The following GALNT10 variants were observed in gnomAD, a reference collection of about 807,000 sequenced individuals.
GALNT10 encodes the protein GalNAc transferase 10.
Under a neutral mutation model 75.0 loss-of-function variants are expected in GALNT10, and 41 were observed. That is an observed-to-expected ratio of 0.55 (90% CI 0.43 to 0.71). The LOEUF is 0.71. GALNT10 is among the 30% of genes least tolerant of loss of function. The probability of loss-of-function intolerance (pLI) is 0.00; values close to 1 mark genes in which losing one functional copy is unlikely to be tolerated. For missense variants in GALNT10, 727 were observed against 818.5 expected (o/e 0.89, Z 1.36); for synonymous variants, 302 against 313.0 (o/e 0.96, Z 0.37).
intron 1 of GALNT10, among the ~76,000 whole-genome samples, chr5:154,221,111 T>C (rs528247041): frequency 1.4e-4 from 22 of 152,124 alleles, no homozygotes; most frequent in Non-Finnish European, 2.4e-4. Context: ...GGGATTTTCC[T>C]CCTATTCAAC....
At chr5:154,307,706 C>T (rs1013342679) in intron 3 of GALNT10, among the ~76,000 whole-genome samples, 1 of 150,974 alleles carries the variant, frequency 6.6e-6, no homozygotes, top group Non-Finnish European at 1.5e-5. Context: ...ACTGTAAAAC[C>T]AGCATTATCC....
intron 4 of GALNT10, chr5:154,356,278 C>T: frequency 2.2e-6 from 1 of 447,084 alleles, no homozygotes; most frequent in Admixed American, 2.5e-5. Context: ...GTCTTCCCAT[C>T]TGCATGTGAG....
chr5:154,329,593 G>GGA lies in GALNT10; in HGVS notation c.426_427dup (p.Thr143ArgfsTer51). On this transcript the variant is annotated frameshift_variant, in exon 4 of 12. Coordinates refer to ENST00000297107, the MANE Select transcript of GALNT10 (RefSeq NM_198321.4). LOFTEE classifies it high-confidence loss of function. ...CTAGCTGCAACAGCAAGCGCTACCT[G>GGA]GAGACACTTCCCAACACAAGCATCA... 6.2e-7 allele frequency: 1 copy of GGA among 1,613,846 alleles called. No individual in the cohort carries two copies. Among genetic ancestry groups the GGA allele is most frequent in the Non-Finnish European group, 8.5e-7 (1 of 1,179,832 alleles).
intron 6 of GALNT10, among the ~76,000 whole-genome samples, chr5:154,385,344 G>T (rs1755793310): frequency 6.6e-6 from 1 of 152,138 alleles, no homozygotes; most frequent in Admixed American, 6.5e-5. Flanking sequence ...CGGACTTCCT[G>T]TTCCCGTGGG....
chr5:154,401,972 CTG>C (rs1756176277), intron 7 of GALNT10, among the ~76,000 whole-genome samples: 1 of 152,180 alleles, frequency 6.6e-6, no homozygotes, highest in African/African-American at 2.4e-5. Context: ...CTGAATCCAG[CTG>C]TGTCCCCCCA....
intron 4 of GALNT10, among the ~76,000 whole-genome samples, chr5:154,331,100 TG>T (rs1203424303): frequency 6.6e-6 from 1 of 152,148 alleles, no homozygotes; most frequent in Non-Finnish European, 1.5e-5. Flanking sequence ...AACATTGGTG[TG>T]TTGTGTGCCT....
chr5:154,328,504 A>G (rs1421147253), intron 3 of GALNT10, among the ~76,000 whole-genome samples: 1 of 152,246 alleles, frequency 6.6e-6, no homozygotes, highest in Non-Finnish European at 1.5e-5. Flanking sequence ...GCAACACAGA[A>G]TACTTCTGTG....
intron 7 of GALNT10, among the ~76,000 whole-genome samples, chr5:154,400,018 G>A (rs1756125113): frequency 6.6e-6 from 1 of 152,060 alleles, no homozygotes; most frequent in African/African-American, 2.4e-5. Flanking sequence ...CACACCTGTG[G>A]CCCCAGCTAC....
At chr5:154,393,566 C>T (rs958665503) in intron 7 of GALNT10, among the ~76,000 whole-genome samples, 1 of 152,198 alleles carries the variant, frequency 6.6e-6, no homozygotes, top group Non-Finnish European at 1.5e-5. Context: ...GGCACAGTGG[C>T]TCATGCCCGT....
In GALNT10 at chr5:154,386,430, G is replaced by A. The variant is rs1351101222; in HGVS notation, c.1056G>A (p.Lys352=). The A allele has an allele frequency of 6.3e-7, 1 of 1,584,916 alleles. No homozygotes were observed. The highest frequency in any genetic ancestry group is 8.7e-7 in the Non-Finnish European group (1 of 1,153,392). Residue 352 remains lysine, a splice_region_variant and synonymous_variant, in exon 7 of 12, where the codon AAG becomes AAA. Coordinates refer to ENST00000297107, the MANE Select transcript of GALNT10 (RefSeq NM_198321.4). ...GGGAGCAGTATGAAATCTCCTTCAA[G>A]GTGAGCCAGCTCTCCAGACGCCCCG... ...WGGEQYEISF[K]VWMCGGRMED... is the part of the protein sequence containing the mutation.
chr5:154,216,889 T>A (rs1646854803), intron 1 of GALNT10, among the ~76,000 whole-genome samples: 1 of 152,138 alleles, frequency 6.6e-6, no homozygotes, highest in South Asian at 2.1e-4. Flanking sequence ...CCCTGGCAGC[T>A]TTTACTTTTG....
intron 4 of GALNT10, chr5:154,356,190 CT>C: frequency 2.2e-6 from 1 of 456,294 alleles, no homozygotes; most frequent in Non-Finnish European, 4.4e-6. Flanking sequence ...CCTTTGTGTG[CT>C]AGAGACCCTT....
intron 1 of GALNT10, among the ~76,000 whole-genome samples, chr5:154,238,296 TAA>T (rs35232140): frequency 2.7e-3 from 396 of 145,194 alleles, no homozygotes; most frequent in Middle Eastern, 7.2e-3. Context: ...TTTTAAATGT[TAA>T]AAAAAAAAAA....
At chr5:154,249,004 A>G (rs1310978342) in intron 1 of GALNT10, among the ~76,000 whole-genome samples, 2 of 152,258 alleles carry the variant, frequency 1.3e-5, no homozygotes, top group South Asian at 4.1e-4. Flanking sequence ...AAGAGCTCTC[A>G]GTAGCTTTGC....
At chr5:154,363,011 T>C (rs187410765) in intron 4 of GALNT10, among the ~76,000 whole-genome samples, 186 of 152,302 alleles carry the variant, frequency 1.2e-3, no homozygotes, top group Admixed American at 1.4e-3. Flanking sequence ...CCTCAGTCTT[T>C]GTATCAGTCA....
At chr5:154,293,941 C>A (rs1754236987) in intron 1 of GALNT10, among the ~76,000 whole-genome samples, 1 of 152,110 alleles carries the variant, frequency 6.6e-6, no homozygotes, top group Admixed American at 6.5e-5. Flanking sequence ...TTCTCTGAGC[C>A]CCTGCCCTAT....
rs536318151 is a variant in GALNT10, at chr5:154,344,499, T to G, written c.568+14761T>G. 2.6e-5 allele frequency among the ~76,000 whole-genome samples: 4 copies of G among 152,258 alleles called. No homozygotes were observed. The East Asian group carries it at 7.7e-4, about 29-fold the overall frequency. ...TGCTAGGATTACAGGCATGAGCCAC[T>G]GCGCCTGGCCAATACATTTCTAAAA... On this transcript the variant is annotated intron_variant, in intron 4 of 11. Transcript: ENST00000297107.
At chr5:154,391,812 T>C (rs1755902039) in intron 7 of GALNT10, among the ~76,000 whole-genome samples, 1 of 152,196 alleles carries the variant, frequency 6.6e-6, no homozygotes, top group Admixed American at 6.5e-5. Context: ...TTCATCTGAG[T>C]TGGCTTCCCT....
chr5:154,255,828 C>T (rs1313180644), intron 1 of GALNT10, among the ~76,000 whole-genome samples: 2 of 151,714 alleles, frequency 1.3e-5, no homozygotes, highest in Non-Finnish European at 2.9e-5. Flanking sequence ...CTGCAGGAAG[C>T]CTCCCTTCCC....
Sources: allele counts gnomAD v4.1 joint callset (sites outside exome capture counted in the v4.1 genomes callset), GRCh38; gene constraint gnomAD v4.1.1; transcripts MANE v1.5; gene names NCBI Gene and HGNC (gene_info 2026-07-23, HGNC 2026-07-21).